The following ACADVL variants were observed in gnomAD, a reference collection of about 807,000 sequenced individuals.
ACADVL encodes acyl-CoA dehydrogenase very long chain.
A neutral mutation model predicts 80.4 loss-of-function variants in ACADVL; 73 were observed. The ratio of observed to expected loss-of-function variants is 0.91; its 90% CI spans 0.75 to 1.10. The LOEUF is 1.10. Ranked by LOEUF, ACADVL falls within the 50% of genes least tolerant of loss-of-function variation. ACADVL has a pLI of 0.00. For synonymous variants in ACADVL, 392 were observed against 326.5 expected, an observed-to-expected ratio of 1.20 and a Z score of -2.16; for missense variants, 878 against 858.9, an observed-to-expected ratio of 1.02 and a Z score of -0.28.
At chr17:7,217,156 G>C, upstream of ACADVL, 1 of 1,289,562 alleles carries the variant, frequency 7.8e-7, no homozygotes, top group South Asian at 3.1e-5. Context: ...ATGTTGGGGG[G>C]CCTGGCCGCG....
rs778531268 is a variant in ACADVL at position 7,223,688 on chromosome 17, G to A, written c.1227G>A (p.Thr409=). 52 of 1,613,966 alleles carry A rather than the reference G, an allele frequency of 3.2e-5. No homozygotes were observed. The African/African-American group carries it at 3.6e-4, about 11-fold the overall frequency. ...MVSANMDQGA[T]DFQIEAAISK... is the part of the protein sequence containing the mutation. ...GTGCTAACATGGACCAGGGAGCCACGGACTTCCAGATAGAGGCCGCCATCA... is the reference window on the plus strand; with the variant it reads ...GTGCTAACATGGACCAGGGAGCCACAGACTTCCAGATAGAGGCCGCCATCA... The change falls in exon 12 of 20, where the codon ACG becomes ACA. Residue 409 remains threonine (T), a synonymous_variant. Coordinates refer to ENST00000356839, the MANE Select transcript of ACADVL (RefSeq NM_000018.4).
At chr17:7,223,362 G>A (rs1166132271) in intron 11 of ACADVL, 125 bp downstream of exon 11, 2 of 957,968 alleles carry the variant, frequency 2.1e-6, no homozygotes, top group Non-Finnish European at 3.4e-6. Flanking sequence ...CCTAGGGGAT[G>A]CGGGGAGGCA....
chr17:7,217,325 C>A, upstream of ACADVL: 1 of 104,212 alleles, frequency 9.6e-6, no homozygotes. Flanking sequence ...GGGAGGGGAG[C>A]GTGGGAGGGA....
upstream of ACADVL, chr17:7,217,280 G>A: frequency 8.4e-7 from 1 of 1,184,056 alleles, no homozygotes; most frequent in Non-Finnish European, 1.1e-6. Flanking sequence ...TGGGGGGAGG[G>A]GTGAGAGGGG....
Position 7,221,984 on chromosome 17 carries a change from C to G in ACADVL, c.655C>G (p.Pro219Ala), listed in dbSNP as rs772898391. Residue 219 changes from proline (P) to alanine (A), a missense_variant, in exon 8 of 20, where the codon CCC becomes GCC. Transcript: ENST00000356839. The stretch of plus-strand genomic sequence containing the variant: ...TGTGGCCGCTTTCTGTCTAACCGAG[C>G]CCTCAAGCGGGTCAGATGCAGCCTC... ...ETVAAFCLTE[P>A]SSGSDAASIR... The G allele has an allele frequency of 1.9e-6, 3 of 1,614,130 alleles. No homozygotes were observed. Among genetic ancestry groups the G allele is most frequent in the Non-Finnish European group, 2.5e-6 (3 of 1,180,012 alleles).
upstream of ACADVL, chr17:7,219,515 T>G: frequency 1.4e-5 from 15 of 1,068,754 alleles, no homozygotes; most frequent in Non-Finnish European, 1.7e-5. Context: ...GTACCCTCCC[T>G]TTTGTGTTGG....
At chr17:7,217,978 G>A (rs992858294), upstream of ACADVL, among the ~76,000 whole-genome samples, 7 of 151,924 alleles carry the variant, frequency 4.6e-5, no homozygotes, top group African/African-American at 1.2e-4. Flanking sequence ...TCTCCCTCAG[G>A]TTTCTCAGGG....
intron 10 of ACADVL, 35 bp from the exon 11 acceptor site, chr17:7,223,098 C>A (rs183224240): frequency 1.9e-5 from 30 of 1,585,474 alleles, no homozygotes; most frequent in African/African-American, 1.5e-4. Context: ...CAGAACCACA[C>A]TGAACCACAG....
chr17:7,217,248 A>G (rs998446241), upstream of ACADVL: 1 of 1,198,186 alleles, frequency 8.3e-7, no homozygotes, highest in African/African-American at 1.7e-5. Context: ...TCCGCACCCC[A>G]CTTTTGCAGG....
At position 7,220,691 on chromosome 17, in the gene ACADVL, A is replaced by G. The variant is rs1467929650; in HGVS notation, c.277+15A>G. ...ATACCCGTCCGGTAAGGGAAGGGAT[A>G]ATCAGAGCTGGGTGGGGCCAGGGTG... On this transcript the variant is annotated intron_variant, in intron 4 of 19. Coordinates refer to ENST00000356839, the MANE Select transcript of ACADVL (RefSeq NM_000018.4). 11 of 1,614,210 alleles carry G rather than the reference A, an allele frequency of 6.8e-6. No homozygotes were observed. Among genetic ancestry groups the G allele is most frequent in the Non-Finnish European group, 9.3e-6 (11 of 1,180,034 alleles).
upstream of ACADVL, chr17:7,218,775 C>T: frequency 1.2e-6 from 2 of 1,608,870 alleles, no homozygotes; most frequent in South Asian, 1.1e-5. Context: ...ATCTCCGAGC[C>T]CCAGCCCCCC....
rs1487946294 is a variant in ACADVL at position 7,220,150 on chromosome 17, C to T, written c.91C>T (p.Pro31Ser). 3 of 1,547,414 alleles carry T rather than the reference C, an allele frequency of 1.9e-6. No homozygotes were observed. Among genetic ancestry groups the T allele is most frequent in the African/African-American group, 1.3e-5 (1 of 74,154 alleles). Reference protein sequence around the residue: ...SSRLTALLGQPRPGPARRPYA... With the variant: ...SSRLTALLGQSRPGPARRPYA... ...GCGGCTCACGGCGCTCCTGGGGCAGCCCCGGCCCGGCCCTGCCCGGCGGCC... is the reference window on the plus strand; with the variant it reads ...GCGGCTCACGGCGCTCCTGGGGCAGTCCCGGCCCGGCCCTGCCCGGCGGCC... The change falls in exon 2 of 20, where the codon CCC becomes TCC. Residue 31 changes from proline (P) to serine (S), a missense_variant. Transcript: ENST00000356839.
chr17:7,221,579 C>T lies in ACADVL; in HGVS notation c.519C>T (p.Gly173=), dbSNP rs757830946. Residue 173 remains glycine (G), a synonymous_variant, in exon 7 of 20, where the codon GGC becomes GGT. Coordinates refer to ENST00000356839, the MANE Select transcript of ACADVL (RefSeq NM_000018.4). ...LVEIVGMHDL[G]VGITLGAHQS... is the part of the protein sequence containing the mutation. ...AGATCGTGGGCATGCATGACCTTGG[C>T]GTGGGCATTACCCTGGGGGCCCATC... The T allele has an allele frequency of 1.4e-5, 22 of 1,614,010 alleles. No homozygotes were observed. The highest frequency in any genetic ancestry group is 1.6e-4 in the Middle Eastern group (1 of 6,062).
Position 7,222,715 on chromosome 17 carries a change from G to A in ACADVL, c.927G>A (p.Glu309=). 6.2e-7 allele frequency: 1 copy of A among 1,614,126 alleles called. No individual in the cohort carries two copies. Among genetic ancestry groups the A allele is most frequent in the South Asian group, 1.1e-5 (1 of 91,074 alleles). ...GCATCAAGGCTTCAAACACAGCAGA[G>A]GTGTTCTTTGATGGAGTACGGGTGC... ...KMGIKASNTA[E]VFFDGVRVPS... is the part of the protein sequence containing the mutation. Residue 309 remains glutamate, a synonymous_variant, in exon 10 of 20, where the codon GAG becomes GAA. Transcript: ENST00000356839.
At chr17:7,221,342 AAG>A in intron 6 of ACADVL, 194 bp from the exon 7 acceptor site, 1 of 1,034,360 alleles carries the variant, frequency 9.7e-7, no homozygotes, top group Non-Finnish European at 1.4e-6. Flanking sequence ...ACCTAGACCT[AAG>A]ACAGACCAGC....
chr17:7,222,294 C>T lies in ACADVL; in HGVS notation c.870C>T (p.Gly290=), dbSNP rs2071270418. 6.2e-7 allele frequency: 1 copy of T among 1,613,902 alleles called. No individual in the cohort carries two copies. The highest frequency in any genetic ancestry group is 2.2e-5 in the East Asian group (1 of 44,868). The change falls in exon 9 of 20, where the codon GGC becomes GGT. Residue 290 remains glycine, a synonymous_variant. Transcript: ENST00000356839. ...TAFVVERGFG[G]ITHGPPEKKM... ...TTGTGGTGGAGAGGGGCTTCGGGGG[C>T]ATTACCCAGTGAGTGAATTTGGGTT...
rs1019684161 is a variant in ACADVL, at chr17:7,219,995, C to T, written c.11C>T (p.Ala4Val). The T allele has an allele frequency of 6.2e-7, 1 of 1,603,222 alleles. No homozygotes were observed. Among genetic ancestry groups the T allele is most frequent in the Admixed American group, 1.7e-5 (1 of 59,288 alleles). Residue 4 changes from alanine to valine, a missense_variant, in exon 1 of 20, where the codon GCT becomes GTT. Transcript: ENST00000356839. ...CGGAGAGATTCGGAGATGCAGGCGG[C>T]TCGGATGGCCGCGAGCTTGGGGCGG... MQA[A>V]RMAASLGRQL... is the part of the protein sequence containing the mutation.
At chr17:7,221,207 T>C in intron 6 of ACADVL, 149 bp downstream of exon 6, 1 of 1,343,734 alleles carries the variant, frequency 7.4e-7, no homozygotes, top group Non-Finnish European at 1.0e-6. Context: ...TGTCCAAACA[T>C]AACACAATTT....
chr17:7,222,095 C>T lies in ACADVL; in HGVS notation c.752+14C>T. The T allele has an allele frequency of 1.9e-6, 3 of 1,614,184 alleles. No homozygotes were observed. Among genetic ancestry groups the T allele is most frequent in the Non-Finnish European group, 2.5e-6 (3 of 1,180,032 alleles). On this transcript the variant is annotated intron_variant, in intron 8 of 19. Coordinates refer to ENST00000356839, the MANE Select transcript of ACADVL (RefSeq NM_000018.4). ...GCTTTGGATCAGGCAACCTGCCTCCCATTTCTCCCCTTCTCCTCCGCCCAA... is the reference window on the plus strand; with the variant it reads ...GCTTTGGATCAGGCAACCTGCCTCCTATTTCTCCCCTTCTCCTCCGCCCAA...
Sources: allele counts gnomAD v4.1 joint callset (sites outside exome capture counted in the v4.1 genomes callset), GRCh38; gene constraint gnomAD v4.1.1; transcripts MANE v1.5; gene names NCBI Gene and HGNC (gene_info 2026-07-23, HGNC 2026-07-21).